Variants in ARPP21 observed in about 807,000 individuals in gnomAD.
ARPP21 encodes cAMP-regulated phosphoprotein 21.
Under a neutral mutation model 113.2 loss-of-function variants are expected in ARPP21, and 69 were observed. The observed-to-expected ratio is 0.61, with a 90% CI of 0.50 to 0.74. The LOEUF is 0.74. Ranked by LOEUF, ARPP21 falls within the 30% of genes least tolerant of loss-of-function variation. The pLI is 0.00. For synonymous variants in ARPP21, 368 were observed against 375.5 expected, an observed-to-expected ratio of 0.98 and a Z score of 0.23; for missense variants, 1,070 against 1,037.4, an observed-to-expected ratio of 1.03 and a Z score of -0.43.
chr3:35,699,441 GATA>G (rs953206342), intron 9 of ARPP21, among the ~76,000 whole-genome samples: 4 of 151,568 alleles, frequency 2.6e-5, no homozygotes, highest in African/African-American at 4.8e-5. Context: ...TAATGAATAT[GATA>G]ATAATAATAA....
intron 5 of ARPP21, chr3:35,684,426 A>C (rs1462739754): frequency 1.0e-6 from 1 of 976,314 alleles, no homozygotes; most frequent in East Asian, 1.1e-4. Flanking sequence ...CCTTACAGCA[A>C]GATTAGTAGG....
chr3:35,731,954 A>G (rs1211040608), intron 15 of ARPP21, among the ~76,000 whole-genome samples: 1 of 152,094 alleles, frequency 6.6e-6, no homozygotes, highest in Non-Finnish European at 1.5e-5. Context: ...ATACTTAGTT[A>G]TTTTATTTTA....
chr3:35,642,601 G>T (rs1698514928), intron 1 of ARPP21, among the ~76,000 whole-genome samples: 1 of 152,144 alleles, frequency 6.6e-6, no homozygotes, highest in South Asian at 2.1e-4. Context: ...TAACCAGGGA[G>T]TTCCTGCATG....
intron 19 of ARPP21, among the ~76,000 whole-genome samples, chr3:35,786,778 T>C (rs752111812): frequency 2.0e-5 from 3 of 152,122 alleles, no homozygotes; most frequent in African/African-American, 7.2e-5. Context: ...CTGGTTCTGA[T>C]AGGCTTCATT....
At chr3:35,705,447 C>G (rs2088487832) in intron 9 of ARPP21, among the ~76,000 whole-genome samples, 1 of 152,150 alleles carries the variant, frequency 6.6e-6, no homozygotes, top group Non-Finnish European at 1.5e-5. Context: ...CATATTCGCA[C>G]TTTCAGGTTT....
At chr3:35,786,521 C>T (rs1166252756) in intron 19 of ARPP21, among the ~76,000 whole-genome samples, 2 of 143,062 alleles carry the variant, frequency 1.4e-5, no homozygotes, top group Admixed American at 7.0e-5. Context: ...AGTGAGATTT[C>T]ATCTCAAAAA....
rs747203766 is a variant in ARPP21 at position 35,793,764 on chromosome 3, C to T, written c.2350C>T (p.Pro784Ser). 44 of 1,613,734 alleles carry T rather than the reference C, an allele frequency of 2.7e-5. No individual in the cohort carries two copies. Among genetic ancestry groups the T allele is most frequent in the Non-Finnish European group, 3.4e-5 (40 of 1,179,744 alleles). Residue 784 changes from proline to serine, a missense_variant, in exon 21 of 21, where the codon CCT becomes TCT. Transcript: ENST00000684406. The part of the protein sequence containing the change: ...QQSYQQPIML[P>S]NQAGQGSLPA... The stretch of plus-strand genomic sequence containing the variant: ...GTCATACCAACAGCCAATCATGCTA[C>T]CTAACCAGGCAGGTCAAGGGTCACT...
intron 15 of ARPP21, among the ~76,000 whole-genome samples, 199 bp from the exon 16 acceptor site, chr3:35,736,979 T>C (rs934794398): frequency 3.3e-5 from 5 of 152,246 alleles, no homozygotes; most frequent in Non-Finnish European, 7.3e-5. Flanking sequence ...TAAATTGCTA[T>C]GGGCTCCCAC....
In ARPP21 at chr3:35,687,869, G is replaced by T. The variant is rs780013609; in HGVS notation, c.392G>T (p.Arg131Ile). The change falls in exon 6 of 21, where the codon AGA (arginine) becomes ATA (isoleucine). Residue 131 changes from arginine (R) to isoleucine (I), a missense_variant. Coordinates refer to ENST00000684406, the MANE Select transcript of ARPP21 (RefSeq NM_001385562.1). ...KDKTSEKPKI[R>I]MLSKDCSQEY... ...AAAACCTCTGAAAAACCCAAGATCA[G>T]AATGTTATCAAAAGGTGAATGTGAA... The T allele has an allele frequency of 1.3e-6, 2 of 1,585,858 alleles. No individual in the cohort carries two copies. Among genetic ancestry groups the T allele is most frequent in the South Asian group, 1.2e-5 (1 of 85,688 alleles).
intron 1 of ARPP21, among the ~76,000 whole-genome samples, chr3:35,672,104 A>G (rs1385016355): frequency 1.3e-5 from 2 of 152,104 alleles, no homozygotes; most frequent in East Asian, 1.9e-4. Context: ...TAATGTTAGT[A>G]GTGTCATATG....
chr3:35,639,289 C>T (rs893603351), upstream of ARPP21, among the ~76,000 whole-genome samples: 1 of 152,024 alleles, frequency 6.6e-6, no homozygotes, highest in Non-Finnish European at 1.5e-5. This position sits in a 1 kb window ranked among gnomAD's most constrained non-coding sequence, Gnocchi z 5.0. Flanking sequence ...GTTCTGGATG[C>T]TCCCAGTGGC....
chr3:35,760,361 T>A (rs955618584), intron 19 of ARPP21, among the ~76,000 whole-genome samples: 8 of 152,092 alleles, frequency 5.3e-5, no homozygotes, highest in African/African-American at 1.9e-4. Flanking sequence ...TGCCTGCTGG[T>A]GACAGCCAGC....
At chr3:35,732,313 A>G (rs556632692) in intron 15 of ARPP21, among the ~76,000 whole-genome samples, 43 of 152,322 alleles carry the variant, frequency 2.8e-4, no homozygotes, top group African/African-American at 1.0e-3. Context: ...ACCTACTCAC[A>G]TATACCCTTG....
At chr3:35,684,835 C>T in intron 5 of ARPP21, 1 of 977,764 alleles carries the variant, frequency 1.0e-6, no homozygotes, top group Non-Finnish European at 1.2e-6. Context: ...TTACATGCCA[C>T]TCATGTCATA....
intron 8 of ARPP21, 34 bp from the exon 9 acceptor site, chr3:35,690,830 AT>A: frequency 2.5e-6 from 4 of 1,573,974 alleles, no homozygotes; most frequent in Non-Finnish European, 3.4e-6. Context: ...AAAAATGAAA[AT>A]GCTGATTCCA....
chr3:35,764,113 A>C (rs2151372038), intron 19 of ARPP21, among the ~76,000 whole-genome samples: 1 of 152,296 alleles, frequency 6.6e-6, no homozygotes, highest in African/African-American at 2.4e-5. Flanking sequence ...CTGTTTTATG[A>C]AATGAAATTA....
rs1208458051 is a variant in ARPP21 at position 35,684,274 on chromosome 3, T to C, written c.261+459T>C. ...TTAGGAAATAGTGAATAAGGTGCAT[T>C]TAACTTTGGAGAAATACTTTTATGG... On this transcript the variant is annotated intron_variant, in intron 5 of 20. Transcript: ENST00000684406. 5.1e-6 allele frequency: 6 copies of C among 1,176,264 alleles called. No homozygotes were observed. The African/African-American group carries it at 7.8e-5, about 15-fold the overall frequency. 72.9% of individuals were successfully genotyped at this position (1,176,264 alleles called of 1,614,324 possible). A position where few individuals can be genotyped will look rare whatever the true frequency, so the allele number is the denominator to read the frequency against.
At chr3:35,732,407 T>A (rs986955679) in intron 15 of ARPP21, among the ~76,000 whole-genome samples, 1 of 152,232 alleles carries the variant, frequency 6.6e-6, no homozygotes, top group Middle Eastern at 3.2e-3. Flanking sequence ...ACTTAGGACC[T>A]CTTGCCTGTT....
At chr3:35,661,823 G>A (rs1707967640) in intron 1 of ARPP21, among the ~76,000 whole-genome samples, 1 of 152,084 alleles carries the variant, frequency 6.6e-6, no homozygotes, top group Non-Finnish European at 1.5e-5. Flanking sequence ...TGTGTATAAA[G>A]GAGACAGTGA....
Sources: gnomAD v4.1 joint callset for allele counts (sites outside exome capture counted in the v4.1 genomes callset) on GRCh38, gnomAD v4.1.1 for gene constraint, Gnocchi (gnomAD v3.1) non-coding constraint, MANE v1.5 for transcripts, NCBI Gene and HGNC (gene_info 2026-07-23, HGNC 2026-07-21) for gene names.